Variants in ACSL6 observed in about 807,000 individuals in gnomAD.
The protein encoded by ACSL6 is acyl-CoA synthetase long chain family member 6.
In ACSL6, 47 loss-of-function variants were observed where a neutral mutation model predicts 98.2. The ratio of observed to expected loss-of-function variants is 0.48; its 90% CI spans 0.38 to 0.61. The LOEUF (loss-of-function observed/expected upper bound fraction) is 0.61, where lower values mean the gene tolerates loss of function less well. Among genes scored for constraint, ACSL6 ranks in the 20% least tolerant of loss-of-function variants. The probability of loss-of-function intolerance (pLI) is 0.00; values close to 1 mark genes in which losing one functional copy is unlikely to be tolerated. For synonymous variants in ACSL6, 362 were observed against 336.9 expected, an observed-to-expected ratio of 1.07 and a Z score of -0.82; for missense variants, 761 against 913.4, an observed-to-expected ratio of 0.83 and a Z score of 2.15.
At position 131,954,276 on chromosome 5, in the gene ACSL6, G is replaced by C. The variant is rs1341714917; in HGVS notation, c.2127C>G (p.Tyr709Ter). The C allele has an allele frequency of 6.2e-7, 1 of 1,613,428 alleles. No individual in the cohort carries two copies. The highest frequency in any genetic ancestry group is 1.3e-5 in the African/African-American group (1 of 74,978). Reference protein sequence around the residue: ...LKAKRPELREYFKKQIEELYS... With the variant: ...LKAKRPELRE The stretch of plus-strand genomic sequence containing the variant: ...AAAGCTCTTCTATTTGTTTTTTGAA[G>C]TACTCTCTCAGCTCAGGTCTCTTAG... The change falls in exon 21 of 21, where the codon TAC becomes TAG. Residue 709 changes from tyrosine (Y) to a stop codon, truncating the protein, a stop_gained. Coordinates refer to ENST00000651883, the MANE Select transcript of ACSL6 (RefSeq NM_001009185.3). LOFTEE classifies it high-confidence loss of function.
rs1277857476 is a variant in ACSL6 at position 131,988,226 on chromosome 5, G to A, written c.653C>T (p.Ala218Val). ...PGAIRYIINT[A>V]DISTVIVDKP... ...GTCCACAATCACGGTGCTGATGTCC[G>A]CTGCAGGGGGCCATCAAGGAGAGTC... The change falls in exon 7 of 21, where the codon GCG becomes GTG. Residue 218 changes from alanine to valine, a missense_variant and splice_region_variant. Physicochemically the swap from Ala to Val is moderately conservative, Grantham distance 64. Coordinates refer to ENST00000651883, the MANE Select transcript of ACSL6 (RefSeq NM_001009185.3). 19 of 1,613,638 alleles carry A rather than the reference G, an allele frequency of 1.2e-5. No individual in the cohort carries two copies. The highest frequency in any genetic ancestry group is 9.3e-5 in the African/African-American group (7 of 74,930).
intron 10 of ACSL6, chr5:131,975,214 G>A (rs1482284610): frequency 2.0e-5 from 28 of 1,368,442 alleles, no homozygotes; most frequent in African/African-American, 1.2e-4. Context: ...CATAGGAAGC[G>A]GAGTGTTAGG....
At chr5:131,976,825 A>C in intron 9 of ACSL6, 104 bp from the exon 10 acceptor site, 1 of 919,980 alleles carries the variant, frequency 1.1e-6, no homozygotes, top group Non-Finnish European at 1.8e-6. Context: ...TGTCTACCCA[A>C]GCCTCTGGCC....
chr5:131,982,885 G>T (rs781257485), intron 9 of ACSL6: 3 of 152,190 alleles, frequency 2.0e-5, no homozygotes, highest in Non-Finnish European at 4.4e-5. Context: ...ACTGCCTGAT[G>T]ACACAAGCTG....
chr5:132,004,039 C>T (rs1755243141), intron 1 of ACSL6, among the ~76,000 whole-genome samples: 1 of 152,100 alleles, frequency 6.6e-6, no homozygotes, highest in Non-Finnish European at 1.5e-5. Flanking sequence ...ACAGAGAGGA[C>T]TTTCAATAAT....
chr5:131,976,508 A>C lies in ACSL6; in HGVS notation c.990+140T>G, dbSNP rs1052305247. The C allele has an allele frequency of 1.7e-5, 13 of 771,614 alleles. No individual in the cohort carries two copies. In the African/African-American group the frequency reaches 2.1e-4, roughly 13 times the overall value. 47.8% of individuals were successfully genotyped at this position (771,614 alleles called of 1,614,324 possible). A position where few individuals can be genotyped will look rare whatever the true frequency, so the allele number is the denominator to read the frequency against. On this transcript the variant is annotated intron_variant, in intron 10 of 20. Coordinates refer to ENST00000651883, the MANE Select transcript of ACSL6 (RefSeq NM_001009185.3). ...TGGGGTTGCTCTAATGAGAACAGAAACTCCTGCCTGTGAATGGCAGCCCAG... is the reference window on the plus strand; with the variant it reads ...TGGGGTTGCTCTAATGAGAACAGAACCTCCTGCCTGTGAATGGCAGCCCAG...
intron 1 of ACSL6, among the ~76,000 whole-genome samples, chr5:131,995,500 G>T (rs773618066): frequency 6.6e-6 from 1 of 152,066 alleles, no homozygotes; most frequent in African/African-American, 2.4e-5. Context: ...GTACCACCCC[G>T]AGGCACCCTC....
chr5:131,971,911 T>C (rs967152056), intron 13 of ACSL6, among the ~76,000 whole-genome samples: 1 of 152,212 alleles, frequency 6.6e-6, no homozygotes, highest in Admixed American at 6.5e-5. Context: ...TCAGTCTGGG[T>C]GGCATTCTAT....
chr5:131,958,442 A>G (rs1050752480), intron 20 of ACSL6, among the ~76,000 whole-genome samples: 5 of 152,238 alleles, frequency 3.3e-5, no homozygotes, highest in Admixed American at 2.6e-4. Context: ...TTTTAGAAAG[A>G]TAAATGTAAC....
chr5:131,969,530 T>C (rs1292358664), intron 15 of ACSL6, among the ~76,000 whole-genome samples: 1 of 152,128 alleles, frequency 6.6e-6, no homozygotes, highest in Admixed American at 6.5e-5. Flanking sequence ...AAAGAAGTAA[T>C]AGATCACAAG....
intron 8 of ACSL6, among the ~76,000 whole-genome samples, chr5:131,986,485 G>C (rs1415339396): frequency 6.6e-6 from 1 of 152,212 alleles, no homozygotes; most frequent in African/African-American, 2.4e-5. Context: ...GTCCATTTCT[G>C]GTTCTGCTGT....
intron 8 of ACSL6, 72 bp downstream of exon 8, chr5:131,986,750 G>A: frequency 3.2e-6 from 5 of 1,571,288 alleles, no homozygotes; most frequent in Non-Finnish European, 4.4e-6. Context: ...TCTGTGCACA[G>A]TGAGGGACTC....
intron 17 of ACSL6, among the ~76,000 whole-genome samples, chr5:131,965,709 G>A (rs1580634655): frequency 6.6e-6 from 1 of 152,148 alleles, no homozygotes; most frequent in African/African-American, 2.4e-5. Flanking sequence ...GTGACAGAAC[G>A]AGACTCCATT....
intron 12 of ACSL6, 41 bp from the exon 13 acceptor site, chr5:131,972,899 G>A (rs753648224): frequency 1.2e-6 from 2 of 1,613,538 alleles, no homozygotes; most frequent in African/African-American, 2.7e-5. Context: ...GAGCCTGAAT[G>A]TCTCATTTCT....
At chr5:131,981,336 A>AC (rs1554113655) in intron 9 of ACSL6, among the ~76,000 whole-genome samples, 2 of 151,772 alleles carry the variant, frequency 1.3e-5, no homozygotes, top group African/African-American at 2.4e-5. Context: ...AAAAAAAAAA[A>AC]AAAAAAAAAC....
intron 1 of ACSL6, among the ~76,000 whole-genome samples, chr5:132,005,129 G>A (rs1276562884): frequency 1.3e-5 from 2 of 151,954 alleles, no homozygotes; most frequent in Non-Finnish European, 2.9e-5. Flanking sequence ...TCCAGCCTGG[G>A]CAACAACAAC....
At chr5:131,996,176 T>C (rs947059128) in intron 1 of ACSL6, among the ~76,000 whole-genome samples, 2 of 152,186 alleles carry the variant, frequency 1.3e-5, no homozygotes, top group Non-Finnish European at 2.9e-5. Context: ...TAACAGAAGC[T>C]TCCTTGAGCT....
chr5:131,995,078 A>G (rs184425649), intron 1 of ACSL6, among the ~76,000 whole-genome samples: 46 of 152,274 alleles, frequency 3.0e-4, no homozygotes, highest in Non-Finnish European at 5.3e-4. Flanking sequence ...GGGGACCAAC[A>G]TCTCCTGCCA....
rs1045238294 is a variant in ACSL6, at chr5:131,989,369, C to T, written c.552+38G>A. On this transcript the variant is annotated intron_variant, in intron 5 of 20. Transcript: ENST00000651883. The stretch of plus-strand genomic sequence containing the variant: ...ATTCCATGGCAGCCAACCCCTACCC[C>T]ACGAATCCCTCTAAAACCAGTCAAG... The T allele has an allele frequency of 1.9e-6, 3 of 1,590,130 alleles. No individual in the cohort carries two copies. In the African/African-American group the frequency reaches 4.0e-5, roughly 21 times the overall value.
Sources: gnomAD v4.1 joint callset for allele counts (sites outside exome capture counted in the v4.1 genomes callset) on GRCh38, gnomAD v4.1.1 for gene constraint, MANE v1.5 for transcripts, NCBI Gene and HGNC (gene_info 2026-07-23, HGNC 2026-07-21) for gene names.